NUP93: variants seen among roughly 807,000 people sequenced by gnomAD.
NUP93 encodes nuclear pore complex protein Nup93.
A neutral mutation model predicts 107.8 loss-of-function variants in NUP93; 55 were observed. The ratio of observed to expected loss-of-function variants is 0.51; its 90% CI spans 0.41 to 0.64. NUP93 has a LOEUF of 0.64. NUP93 is among the 30% of genes least tolerant of loss of function. The pLI is 0.00. For missense variants in NUP93, 937 were observed against 1,044.7 expected, an observed-to-expected ratio of 0.90 and a Z score of 1.42; for synonymous variants, 390 against 397.5, an observed-to-expected ratio of 0.98 and a Z score of 0.22.
chr16:56,830,782 A>G lies in NUP93; in HGVS notation c.1085+97A>G, dbSNP rs910410596. 3.4e-6 allele frequency: 4 copies of G among 1,179,288 alleles called. No homozygotes were observed. In the East Asian group the frequency reaches 1.0e-4, roughly 31 times the overall value. 73.1% of individuals were successfully genotyped at this position (1,179,288 alleles called of 1,614,324 possible). ...TCTCTTTTCCCTGGACGGGCCCAAA[A>G]CAAGTTTCTGCTTGGGGGAAAAAGG... is the stretch of plus-strand genomic sequence containing the variant. On this transcript the variant is annotated intron_variant, in intron 10 of 21. Transcript: ENST00000308159.
chr16:56,795,950 G>A (rs1260084302), intron 3 of NUP93, among the ~76,000 whole-genome samples: 1 of 151,916 alleles, frequency 6.6e-6, no homozygotes, highest in Non-Finnish European at 1.5e-5. Flanking sequence ...CTCGGCCATG[G>A]AGTCTTTAAG....
rs116218242 is a variant in NUP93 at position 56,845,302 on chromosome 16, C to T, written c.*693C>T. 7.6e-3 allele frequency: 1,163 copies of T among 152,820 alleles called. 17 individuals are homozygous for T. Among genetic ancestry groups the T allele is most frequent in the African/African-American group, 0.026 (1,100 of 41,562 alleles). The allele number at this position is 152,820 out of a possible 1,614,324, so 9.5% of individuals were successfully genotyped here. On this transcript the variant is annotated 3_prime_UTR_variant, in exon 22 of 22. Transcript: ENST00000308159. ...AAGGGGTAAACCTTGCCACTGCACT[C>T]CTCTGTAGCTGCTCCACTGTGAGTT... is the stretch of plus-strand genomic sequence containing the variant.
At chr16:56,732,198 G>A (rs1470896682) in intron 1 of NUP93, among the ~76,000 whole-genome samples, 2 of 152,160 alleles carry the variant, frequency 1.3e-5, no homozygotes, top group African/African-American at 4.8e-5. Context: ...TATATTTCAC[G>A]TATTTTTCTT....
chr16:56,742,784 C>T (rs561266790), intron 1 of NUP93, among the ~76,000 whole-genome samples: 1 of 152,152 alleles, frequency 6.6e-6, no homozygotes, highest in East Asian at 1.9e-4. Context: ...CTGGGAGTAA[C>T]ATAGGCTTAA....
intron 3 of NUP93, 37 bp from the exon 4 acceptor site, chr16:56,798,439 T>C: frequency 6.3e-7 from 1 of 1,585,272 alleles, no homozygotes; most frequent in Non-Finnish European, 8.7e-7. Context: ...TTTTTGAAAG[T>C]TAATTTTAAG....
chr16:56,804,557 G>A (rs1268023444), intron 4 of NUP93, among the ~76,000 whole-genome samples: 1 of 152,016 alleles, frequency 6.6e-6, no homozygotes, highest in Non-Finnish European at 1.5e-5. Flanking sequence ...AAGAGATGGT[G>A]GTGATGATTG....
At chr16:56,771,650 G>A (rs919737542) in intron 3 of NUP93, among the ~76,000 whole-genome samples, 3 of 152,188 alleles carry the variant, frequency 2.0e-5, no homozygotes, top group Non-Finnish European at 2.9e-5. Context: ...AGAGTAATTT[G>A]GCGTGATTGG....
At chr16:56,795,021 G>A (rs1962865109) in intron 3 of NUP93, among the ~76,000 whole-genome samples, 1 of 148,746 alleles carries the variant, frequency 6.7e-6, no homozygotes. Flanking sequence ...GAAGGAATAT[G>A]ACAGAACACC....
Position 56,841,828 on chromosome 16 carries a change from G to T in NUP93, c.2344G>T (p.Asp782Tyr). The T allele has an allele frequency of 6.2e-7, 1 of 1,613,828 alleles. No individual in the cohort carries two copies. Among genetic ancestry groups the T allele is most frequent in the Non-Finnish European group, 8.5e-7 (1 of 1,179,896 alleles). ...SRPQRVIEDR[D>Y]SQLRSQARTL... The stretch of plus-strand genomic sequence containing the variant: ...GCCCCAGCGAGTCATCGAGGACCGC[G>T]ACTCTGTAAGATCCCAGCATTCGCG... Residue 782 changes from aspartate to tyrosine, a missense_variant, in exon 21 of 22, where the codon GAC (aspartate) becomes TAC (tyrosine). Physicochemically the swap from Asp to Tyr is radical, Grantham distance 160. Coordinates refer to ENST00000308159, the MANE Select transcript of NUP93 (RefSeq NM_014669.5).
chr16:56,769,522 T>C (rs1227140062), intron 3 of NUP93, among the ~76,000 whole-genome samples: 2 of 152,182 alleles, frequency 1.3e-5, no homozygotes, highest in African/African-American at 4.8e-5. Flanking sequence ...AGTTTTCTGC[T>C]TGCTGAGCTG....
rs373795174 is a variant in NUP93, at chr16:56,836,475, G to A, written c.1783-126G>A. The A allele has an allele frequency of 3.5e-5, 23 of 664,180 alleles. No homozygotes were observed. In the East Asian group the frequency reaches 5.5e-4, roughly 16 times the overall value. The allele number at this position is 664,180 out of a possible 1,614,324, so 41.1% of individuals were successfully genotyped here. ...CCAGAGTCTGGCTGATGAAATATAT[G>A]CGTTGCCCAGGGCAAGCAATTCCAC... On this transcript the variant is annotated intron_variant, in intron 16 of 21. Transcript: ENST00000308159.
chr16:56,744,466 G>A (rs963473575), intron 1 of NUP93, among the ~76,000 whole-genome samples: 1 of 151,970 alleles, frequency 6.6e-6, no homozygotes, highest in Non-Finnish European at 1.5e-5. Context: ...GCACAATGAT[G>A]GTAACAAAAA....
chr16:56,826,517 A>G (rs1049314241), intron 8 of NUP93, among the ~76,000 whole-genome samples: 214 of 138,940 alleles, frequency 1.5e-3, no homozygotes, highest in Middle Eastern at 3.6e-3. Context: ...CTCCGTCTAA[A>G]AAAAAAAAAA....
chr16:56,839,183 TAAAGA>T, intron 19 of NUP93, 114 bp downstream of exon 19: 1 of 593,134 alleles, frequency 1.7e-6, no homozygotes, highest in South Asian at 2.1e-5. Context: ...GTTTGTTGTA[TAAAGA>T]AAGACAAGTA....
intron 1 of NUP93, chr16:56,748,013 A>G (rs765155892): frequency 1.3e-4 from 47 of 355,820 alleles, no homozygotes; most frequent in Non-Finnish European, 2.2e-4. Context: ...TGGGGCTGTC[A>G]ATATGCACAG....
chr16:56,844,414 A>C, intron 21 of NUP93, 85 bp from the exon 22 acceptor site: 1 of 747,910 alleles, frequency 1.3e-6, no homozygotes, highest in Non-Finnish European at 2.0e-6. Flanking sequence ...ATGGAAGAAC[A>C]TGGAATAGAG....
intron 1 of NUP93, among the ~76,000 whole-genome samples, chr16:56,736,916 A>C (rs1961623981): frequency 6.6e-6 from 1 of 152,252 alleles, no homozygotes; most frequent in Non-Finnish European, 1.5e-5. Context: ...ATCAAATGAA[A>C]AGTAGAAAAG....
At chr16:56,751,534 T>G (rs1961919468) in intron 2 of NUP93, among the ~76,000 whole-genome samples, 1 of 152,226 alleles carries the variant, frequency 6.6e-6, no homozygotes, top group African/African-American at 2.4e-5. Flanking sequence ...TTCCTCATAT[T>G]TGTATGGTAC....
At chr16:56,781,800 A>G (rs1962519985) in intron 3 of NUP93, 16 of 983,886 alleles carry the variant, frequency 1.6e-5, no homozygotes, top group Non-Finnish European at 1.8e-5. Flanking sequence ...TCCGTTAACA[A>G]TAAAATACCC....
Sources: allele counts gnomAD v4.1 joint callset (sites outside exome capture counted in the v4.1 genomes callset), GRCh38; gene constraint gnomAD v4.1.1; transcripts MANE v1.5; gene names NCBI Gene and HGNC (gene_info 2026-07-23, HGNC 2026-07-21).